The following ORC5 variants were observed in gnomAD, a reference collection of about 807,000 sequenced individuals.
ORC5 encodes the protein origin recognition complex subunit 5.
Under a neutral mutation model 58.8 loss-of-function variants are expected in ORC5, and 39 were observed. That is an observed-to-expected ratio of 0.66 (90% confidence interval 0.51 to 0.87). The LOEUF is 0.87. ORC5 is among the 40% of genes least tolerant of loss of function. ORC5 has a pLI of 0.00. For missense variants in ORC5, 493 were observed against 506.3 expected (o/e 0.97, Z 0.25); for synonymous variants, 218 against 177.6 (o/e 1.23, Z -1.81).
chr7:104,187,752 A>C (rs1054335247), intron 6 of ORC5: 1 of 974,792 alleles, frequency 1.0e-6, no homozygotes, highest in African/African-American at 1.8e-5. Context: ...CCATCTATAC[A>C]AAGATTACCA....
chr7:104,159,166 T>C (rs1798980982), intron 12 of ORC5, among the ~76,000 whole-genome samples: 1 of 150,794 alleles, frequency 6.6e-6, no homozygotes. Context: ...GATGAGTTCA[T>C]GTCCTCTGTA....
intron 13 of ORC5, among the ~76,000 whole-genome samples, chr7:104,134,508 G>A (rs1798559698): frequency 6.6e-6 from 1 of 151,152 alleles, no homozygotes; most frequent in South Asian, 2.1e-4. Flanking sequence ...TGGAATGGCT[G>A]AAGAGACAAA....
At chr7:104,195,039 G>T in intron 5 of ORC5, 104 bp downstream of exon 5, 1 of 583,960 alleles carries the variant, frequency 1.7e-6, no homozygotes, top group South Asian at 2.2e-5. Context: ...AATATCAAAT[G>T]GGAATAACAA....
chr7:104,201,704 C>T (rs1233366717), intron 2 of ORC5, among the ~76,000 whole-genome samples: 1 of 149,666 alleles, frequency 6.7e-6, no homozygotes, highest in Non-Finnish European at 1.5e-5. Context: ...ACACTTATAA[C>T]TTTAATATAA....
chr7:104,167,321 T>C lies in ORC5; in HGVS notation c.878-437A>G, dbSNP rs1433539007. Among the ~76,000 whole-genome samples the C allele has an allele frequency of 2.0e-5, 3 of 152,304 alleles. No homozygotes were observed. In the East Asian group the frequency reaches 5.8e-4, roughly 29 times the overall value. Reference sequence around the variant, plus strand: ...CTTGGGACCAGAAGTGTTTTGGATTTTTTCAGATGTTAGAATACTTGTATA... The same window carrying C: ...CTTGGGACCAGAAGTGTTTTGGATTCTTTCAGATGTTAGAATACTTGTATA... On this transcript the variant is annotated intron_variant, in intron 9 of 13. Transcript: ENST00000297431.
chr7:104,135,992 T>A (rs1045314616), intron 13 of ORC5, among the ~76,000 whole-genome samples: 19 of 152,194 alleles, frequency 1.2e-4, no homozygotes, highest in Admixed American at 8.5e-4. Context: ...AGTCACTTAT[T>A]CATATAAATG....
chr7:104,145,203 A>G (rs1798736441), intron 12 of ORC5, among the ~76,000 whole-genome samples: 1 of 152,202 alleles, frequency 6.6e-6, no homozygotes, highest in South Asian at 2.1e-4. Context: ...AGATACACAG[A>G]AAAGAGTTAA....
chr7:104,131,822 A>C (rs913345476), intron 13 of ORC5, among the ~76,000 whole-genome samples: 1 of 151,748 alleles, frequency 6.6e-6, no homozygotes, highest in South Asian at 2.1e-4. Flanking sequence ...ACTGCACTCC[A>C]GCCTGGGTGA....
chr7:104,155,452 A>G (rs1798908680), intron 12 of ORC5, among the ~76,000 whole-genome samples: 1 of 151,474 alleles, frequency 6.6e-6, no homozygotes. Context: ...TCCTTTTCTA[A>G]TCTTTCAGCT....
intron 5 of ORC5, among the ~76,000 whole-genome samples, chr7:104,194,036 T>C (rs1799738597): frequency 6.6e-6 from 1 of 151,616 alleles, no homozygotes; most frequent in African/African-American, 2.4e-5. Context: ...TAAATAATTT[T>C]TCAGTACTTA....
chr7:104,156,042 T>C (rs1798920151), intron 12 of ORC5, among the ~76,000 whole-genome samples: 1 of 151,720 alleles, frequency 6.6e-6, no homozygotes, highest in African/African-American at 2.4e-5. Flanking sequence ...ACCCATTTAC[T>C]GCATGTATTC....
intron 12 of ORC5, among the ~76,000 whole-genome samples, chr7:104,143,043 C>T (rs781314875): frequency 6.6e-6 from 1 of 152,130 alleles, no homozygotes; most frequent in African/African-American, 2.4e-5. Context: ...AGTATATTAA[C>T]TTCAACCCTT....
intron 13 of ORC5, among the ~76,000 whole-genome samples, chr7:104,134,817 G>C (rs1487273657): frequency 2.6e-5 from 4 of 152,088 alleles, no homozygotes; most frequent in Non-Finnish European, 5.9e-5. Flanking sequence ...AAGAATGAAA[G>C]GTAAAGTCAG....
chr7:104,154,773 A>C (rs1798897190), intron 12 of ORC5, among the ~76,000 whole-genome samples: 1 of 151,910 alleles, frequency 6.6e-6, no homozygotes, highest in Non-Finnish European at 1.5e-5. Flanking sequence ...TTTAGAATTA[A>C]ATAAAAATTA....
At chr7:104,169,356 C>T (rs1267542501) in intron 8 of ORC5, among the ~76,000 whole-genome samples, 1 of 151,982 alleles carries the variant, frequency 6.6e-6, no homozygotes, top group Non-Finnish European at 1.5e-5. Flanking sequence ...GACTTATTTG[C>T]AATTAAAACT....
At chr7:104,184,402 T>C (rs539519347) in intron 6 of ORC5, 68 of 465,278 alleles carry the variant, frequency 1.5e-4, no homozygotes, top group Admixed American at 1.1e-3. Flanking sequence ...GTGCTGTGAC[T>C]GCACCTGTGA....
In ORC5 at chr7:104,200,920, T is replaced by C. The variant is rs758910659; in HGVS notation, c.204A>G (p.Thr68=). ...AAATTTGTTCCAAAAGCAGCCTCAATGTAAAGCATTCAACACAATTCACAA... is the reference window on the plus strand; with the variant it reads ...AAATTTGTTCCAAAAGCAGCCTCAACGTAAAGCATTCAACACAATTCACAA... ...HVFVNCVECF[T]LRLLLEQILN... The change falls in exon 3 of 14, where the codon ACA becomes ACG. Residue 68 remains threonine (T), a synonymous_variant. Transcript: ENST00000297431. 4.3e-6 allele frequency: 7 copies of C among 1,613,530 alleles called. No homozygotes were observed. Among genetic ancestry groups the C allele is most frequent in the Non-Finnish European group, 5.9e-6 (7 of 1,179,678 alleles).
In ORC5 at chr7:104,166,898, C is replaced by T; in HGVS notation, c.878-14G>A. 3 of 1,426,266 alleles carry T rather than the reference C, an allele frequency of 2.1e-6. No individual in the cohort carries two copies. In the South Asian group the frequency reaches 3.6e-5, roughly 17 times the overall value. 88.4% of individuals were successfully genotyped at this position (1,426,266 alleles called of 1,614,324 possible). A position where few individuals can be genotyped will look rare whatever the true frequency, so the allele number is the denominator to read the frequency against. On this transcript the variant is annotated splice_polypyrimidine_tract_variant and intron_variant, in intron 9 of 13. Coordinates refer to ENST00000297431, the MANE Select transcript of ORC5 (RefSeq NM_002553.4). ...GCGCTGAGAGGCCTATATAACAAAA[C>T]ACTTTGATGAAGTACTTATTAGGCT...
At chr7:104,187,816 C>T in intron 6 of ORC5, 1 of 986,170 alleles carries the variant, frequency 1.0e-6, no homozygotes, top group Middle Eastern at 5.1e-4. Context: ...TGACCATACT[C>T]AAATCCATCT....
Sources: gnomAD v4.1 joint callset for allele counts (sites outside exome capture counted in the v4.1 genomes callset) on GRCh38, gnomAD v4.1.1 for gene constraint, MANE v1.5 for transcripts, NCBI Gene and HGNC (gene_info 2026-07-23, HGNC 2026-07-21) for gene names.